The following DIP2C variants were observed in gnomAD, a reference collection of about 807,000 sequenced individuals.
The protein encoded by DIP2C is disco-interacting protein 2 homolog C.
Under a neutral mutation model 192.4 loss-of-function variants are expected in DIP2C, and 33 were observed. That is an observed-to-expected ratio of 0.17 (90% CI 0.13 to 0.23). DIP2C has a LOEUF of 0.23. Ranked by LOEUF, DIP2C falls within the 10% of genes least tolerant of loss-of-function variation. DIP2C has a pLI of 1.00. For missense variants in DIP2C, 1,537 were observed against 2,110.1 expected, an observed-to-expected ratio of 0.73 and a Z score of 5.32; for synonymous variants, 979 against 864.1, an observed-to-expected ratio of 1.13 and a Z score of -2.33.
intron 3 of DIP2C, among the ~76,000 whole-genome samples, chr10:464,454 C>T (rs1315341963): frequency 1.3e-5 from 2 of 151,630 alleles, no homozygotes; most frequent in African/African-American, 4.8e-5. Flanking sequence ...GATACCATTC[C>T]ACGCCAGTTA....
intron 2 of DIP2C, among the ~76,000 whole-genome samples, chr10:476,075 G>C (rs1843009329): frequency 6.6e-6 from 1 of 152,216 alleles, no homozygotes; most frequent in East Asian, 1.9e-4. Context: ...AGGAAGACTA[G>C]AAGCCTTATG....
rs61837321 is a variant in DIP2C, at chr10:345,458, C to T, written c.3232-348G>A. 4.3e-3 allele frequency among the ~76,000 whole-genome samples: 656 copies of T among 151,520 alleles called. 2 individuals are homozygous for T. Among genetic ancestry groups the T allele is most frequent in the Non-Finnish European group, 7.1e-3 (482 of 67,846 alleles). Reference sequence around the variant, plus strand: ...CCAGACACATCGCGCACAGTTCTCCCGGAAACGTCACACACACCCAGGCAC... The same window carrying T: ...CCAGACACATCGCGCACAGTTCTCCTGGAAACGTCACACACACCCAGGCAC... On this transcript the variant is annotated intron_variant, in intron 26 of 36. Coordinates refer to ENST00000280886, the MANE Select transcript of DIP2C (RefSeq NM_014974.3).
chr10:634,317 G>A (rs1854704573), intron 1 of DIP2C, among the ~76,000 whole-genome samples: 1 of 152,194 alleles, frequency 6.6e-6, no homozygotes, highest in Non-Finnish European at 1.5e-5. Context: ...CTGGCGGTTT[G>A]TTACTTTTCA....
chr10:307,754 C>T (rs547628772), intron 32 of DIP2C, among the ~76,000 whole-genome samples: 17 of 152,320 alleles, frequency 1.1e-4, no homozygotes, highest in Middle Eastern at 3.4e-3. Flanking sequence ...GTGTCCCACC[C>T]GAGGGCACGG....
rs149881862 is a variant in DIP2C, at chr10:589,743, T to G, written c.85+99751A>C. Among the ~76,000 whole-genome samples the G allele has an allele frequency of 3.9e-5, 6 of 152,300 alleles. No individual in the cohort carries two copies. The East Asian group carries it at 1.2e-3, about 29-fold the overall frequency. Reference sequence around the variant, plus strand: ...CACACTAGAAATACTCTAATGAGATTCTTCCTCTTGTCAGGAGAGTAGAGG... The same window carrying G: ...CACACTAGAAATACTCTAATGAGATGCTTCCTCTTGTCAGGAGAGTAGAGG... On this transcript the variant is annotated intron_variant, in intron 1 of 36. Coordinates refer to ENST00000280886, the MANE Select transcript of DIP2C (RefSeq NM_014974.3).
At chr10:446,767 G>A (rs1968258922) in intron 3 of DIP2C, among the ~76,000 whole-genome samples, 2 of 152,194 alleles carry the variant, frequency 1.3e-5, no homozygotes, top group African/African-American at 4.8e-5. Flanking sequence ...TGATGTGACA[G>A]GAAATTCGTA....
chr10:589,277 C>T (rs929022679), intron 1 of DIP2C, among the ~76,000 whole-genome samples: 3 of 152,160 alleles, frequency 2.0e-5, no homozygotes, highest in Non-Finnish European at 4.4e-5. Context: ...TCCCTGTCTG[C>T]AGAAAATGTG....
At chr10:349,298 A>G (rs770712477) in intron 25 of DIP2C, 33 bp downstream of exon 25, 22 of 1,587,358 alleles carry the variant, frequency 1.4e-5, no homozygotes, top group Non-Finnish European at 1.9e-5. Context: ...CCGGCTTGCC[A>G]TCTCTCAGGG....
chr10:610,635 G>A (rs775373088), intron 1 of DIP2C, among the ~76,000 whole-genome samples: 8 of 152,250 alleles, frequency 5.3e-5, no homozygotes, highest in Non-Finnish European at 8.8e-5. Flanking sequence ...AGGTAAGAAC[G>A]GGGAGCCAGA....
chr10:472,121 A>G (rs1402328804), intron 3 of DIP2C, among the ~76,000 whole-genome samples: 1 of 152,224 alleles, frequency 6.6e-6, no homozygotes, highest in Admixed American at 6.5e-5. Context: ...GAAAAAGAAA[A>G]AACTATACTA....
At chr10:600,805 G>A (rs1352908005) in intron 1 of DIP2C, among the ~76,000 whole-genome samples, 1 of 152,212 alleles carries the variant, frequency 6.6e-6, no homozygotes, top group Non-Finnish European at 1.5e-5. Flanking sequence ...CACCAAGTAA[G>A]GGCAATTTTA....
intron 1 of DIP2C, among the ~76,000 whole-genome samples, chr10:537,306 C>T (rs1031462495): frequency 2.6e-5 from 4 of 152,166 alleles, no homozygotes; most frequent in Admixed American, 6.5e-5. Context: ...TCTGTGATTT[C>T]GGGGTAAATG....
At chr10:318,833 T>C (rs1261106912) in intron 31 of DIP2C, among the ~76,000 whole-genome samples, 2 of 152,086 alleles carry the variant, frequency 1.3e-5, no homozygotes, top group East Asian at 3.8e-4. Flanking sequence ...GAGCTCAAGT[T>C]AATGAAAGTC....
chr10:445,528 A>G (rs903541922), intron 3 of DIP2C, among the ~76,000 whole-genome samples: 10 of 151,762 alleles, frequency 6.6e-5, no homozygotes, highest in Non-Finnish European at 1.5e-4. Context: ...ATCTGTATAC[A>G]TCTGTTGCGA....
Position 446,553 on chromosome 10 carries a change from G to A in DIP2C, c.269-5557C>T, listed in dbSNP as rs72772896. 2.9e-3 allele frequency among the ~76,000 whole-genome samples: 444 copies of A among 152,342 alleles called. 2 individuals are homozygous for A. The highest frequency in any genetic ancestry group is 6.2e-3 in the East Asian group (32 of 5,182). ...AAATCAAGTGTCTCATGCCTTCCAA[G>A]TCTGTGCCTTTTAGTTCTCCTGACT... is the stretch of plus-strand genomic sequence containing the variant. On this transcript the variant is annotated intron_variant, in intron 3 of 36. Coordinates refer to ENST00000280886, the MANE Select transcript of DIP2C (RefSeq NM_014974.3).
At chr10:314,826 A>G (rs1956708633) in intron 31 of DIP2C, among the ~76,000 whole-genome samples, 1 of 152,132 alleles carries the variant, frequency 6.6e-6, no homozygotes, top group Non-Finnish European at 1.5e-5. Flanking sequence ...TCATGATCTA[A>G]TCACCTTCTA....
rs779012882 is a variant in DIP2C at position 356,488 on chromosome 10, CCT to C, written c.2921_2922del (p.Glu974GlyfsTer38). 6.2e-7 allele frequency: 1 copy of C among 1,612,158 alleles called. No homozygotes were observed. Among genetic ancestry groups the C allele is most frequent in the Non-Finnish European group, 8.5e-7 (1 of 1,179,806 alleles). The stretch of plus-strand genomic sequence containing the variant: ...GTGGTCTGTGCTCTCCACTGCAAGA[CCT>C]CTGAGAGGAACAGGAACTGGAACAG... ...DQARKFLFLS[E>X]VLQWRAQTTP... On this transcript the variant is annotated frameshift_variant, in exon 24 of 37. Transcript: ENST00000280886. LOFTEE classifies it high-confidence loss of function.
At chr10:438,785 C>T (rs779706616) in intron 4 of DIP2C, among the ~76,000 whole-genome samples, 1 of 152,098 alleles carries the variant, frequency 6.6e-6, no homozygotes, top group African/African-American at 2.4e-5. Context: ...GCCACCATGC[C>T]TGGCCTAATC....
intron 1 of DIP2C, among the ~76,000 whole-genome samples, chr10:581,036 G>GCACC (rs1467270318): frequency 2.0e-3 from 303 of 152,312 alleles, no homozygotes; most frequent in Middle Eastern, 0.01. Flanking sequence ...ATTTTCTGGT[G>GCACC]AGAGAGACCA....
Sources: gnomAD v4.1 joint callset for allele counts (sites outside exome capture counted in the v4.1 genomes callset) on GRCh38, gnomAD v4.1.1 for gene constraint, MANE v1.5 for transcripts, NCBI Gene and HGNC (gene_info 2026-07-23, HGNC 2026-07-21) for gene names.